AASDH: variants seen among roughly 807,000 people sequenced by gnomAD.
AASDH encodes aminoadipate-semialdehyde dehydrogenase.
A neutral mutation model predicts 102.3 loss-of-function variants in AASDH; 81 were observed. The observed-to-expected ratio is 0.79, with a 90% CI of 0.66 to 0.95. AASDH has a LOEUF of 0.95. Among genes scored for constraint, AASDH ranks in the 40% least tolerant of loss-of-function variants. AASDH has a pLI of 0.00. For synonymous variants in AASDH, 398 were observed against 454.0 expected, an observed-to-expected ratio of 0.88 and a Z score of 1.57; for missense variants, 1,203 against 1,266.2, an observed-to-expected ratio of 0.95 and a Z score of 0.76.
At chr4:56,377,741 T>G (rs973305800) in intron 4 of AASDH, among the ~76,000 whole-genome samples, 1 of 152,244 alleles carries the variant, frequency 6.6e-6, no homozygotes, top group Non-Finnish European at 1.5e-5. Context: ...ACTATTAATT[T>G]AGGAACAAGA....
intron 3 of AASDH, chr4:56,382,240 A>C (rs893142063): frequency 1.7e-5 from 6 of 362,160 alleles, no homozygotes; most frequent in Non-Finnish European, 3.0e-5. Flanking sequence ...TTTGGTTGTT[A>C]TGACTGGGAG....
intron 5 of AASDH, among the ~76,000 whole-genome samples, chr4:56,360,461 G>A (rs1229924940): frequency 6.6e-6 from 1 of 152,224 alleles, no homozygotes; most frequent in Admixed American, 6.5e-5. Context: ...CAGAATCTGT[G>A]TGTTGACTGA....
chr4:56,362,457 G>T (rs1292192768), intron 5 of AASDH, among the ~76,000 whole-genome samples: 3 of 152,048 alleles, frequency 2.0e-5, no homozygotes, highest in African/African-American at 7.2e-5. Context: ...TAGAGACGGG[G>T]TTTTGCCATG....
At chr4:56,339,748 C>CA (rs3036859) in intron 14 of AASDH, among the ~76,000 whole-genome samples, 3,272 of 127,912 alleles carry the variant, frequency 0.026, 115 homozygotes, top group Admixed American at 0.078. Context: ...GACCTTGTTT[C>CA]AAAAAAAAAA....
At chr4:56,369,532 A>C (rs1751445552) in intron 5 of AASDH, among the ~76,000 whole-genome samples, 1 of 152,216 alleles carries the variant, frequency 6.6e-6, no homozygotes, top group South Asian at 2.1e-4. Flanking sequence ...CATTGCCTTA[A>C]AGAAGTTCAA....
In AASDH at chr4:56,384,335, C is replaced by G; in HGVS notation, c.-36G>C. On this transcript the variant is annotated 5_prime_UTR_variant, in exon 2 of 15. Coordinates refer to ENST00000205214, the MANE Select transcript of AASDH (RefSeq NM_181806.4). The stretch of plus-strand genomic sequence containing the variant: ...TTTATCTAAACATCAATTTGTAGCA[C>G]AGAACCCTGTGTATATACAGAAGTG... 6.3e-7 allele frequency: 1 copy of G among 1,591,472 alleles called. No individual in the cohort carries two copies. The highest frequency in any genetic ancestry group is 8.6e-7 in the Non-Finnish European group (1 of 1,160,502).
chr4:56,374,764 TTC>T (rs1273093606), intron 4 of AASDH, among the ~76,000 whole-genome samples: 7 of 152,178 alleles, frequency 4.6e-5, no homozygotes, highest in Admixed American at 1.3e-4. Flanking sequence ...GTCAGTTTAA[TTC>T]TCAGTCCCCT....
chr4:56,361,610 GA>G (rs948905189), intron 5 of AASDH, among the ~76,000 whole-genome samples: 2 of 151,948 alleles, frequency 1.3e-5, no homozygotes, highest in African/African-American at 4.8e-5. Context: ...AAAAACTCAG[GA>G]AAAATGGAAA....
At chr4:56,359,123 T>TG (rs1326440996) in intron 5 of AASDH, among the ~76,000 whole-genome samples, 1 of 151,860 alleles carries the variant, frequency 6.6e-6, no homozygotes, top group Non-Finnish European at 1.5e-5. Context: ...TTTTTTTTTT[T>TG]GCTAGTGCAT....
intron 12 of AASDH, among the ~76,000 whole-genome samples, chr4:56,344,552 C>CT (rs1002564408): frequency 1.3e-5 from 2 of 152,096 alleles, no homozygotes; most frequent in East Asian, 1.9e-4. Flanking sequence ...TGAATTTCCA[C>CT]TTTTTTTACA....
rs767808606 is a variant in AASDH, at chr4:56,338,700, A to G, written c.2999T>C (p.Phe1000Ser). The G allele has an allele frequency of 6.2e-7, 1 of 1,614,182 alleles. No homozygotes were observed. Among genetic ancestry groups the G allele is most frequent in the South Asian group, 1.1e-5 (1 of 91,072 alleles). ...QKIFFGSHDC[F>S]IYCCNMKGHL... ...ACCTTTCATGTTACAACAGTAGATA[A>G]AGCAATCATGGGAACCAAAAAATAT... Residue 1000 changes from phenylalanine to serine, a missense_variant, in exon 15 of 15, where the codon TTT becomes TCT. Phe to Ser is a radical substitution (Grantham distance 155). Transcript: ENST00000205214.
At chr4:56,366,932 T>C (rs1260397234) in intron 5 of AASDH, among the ~76,000 whole-genome samples, 17 of 151,996 alleles carry the variant, frequency 1.1e-4, no homozygotes, top group Admixed American at 9.2e-4. Context: ...AGTCAAATTG[T>C]CCCTGTTTGC....
intron 5 of AASDH, among the ~76,000 whole-genome samples, 179 bp from the exon 6 acceptor site, chr4:56,355,602 T>G (rs1199340143): frequency 6.7e-6 from 1 of 150,042 alleles, no homozygotes; most frequent in Non-Finnish European, 1.5e-5. Flanking sequence ...TGTTTTTTTT[T>G]TTTTTTTTTT....
intron 5 of AASDH, among the ~76,000 whole-genome samples, chr4:56,359,254 G>T (rs549464218): frequency 6.6e-6 from 1 of 151,320 alleles, no homozygotes; most frequent in African/African-American, 2.4e-5. Context: ...TTTATTTTTT[G>T]TGAGACAGAG....
At chr4:56,366,420 AAG>A (rs1310668975) in intron 5 of AASDH, among the ~76,000 whole-genome samples, 30 of 152,110 alleles carry the variant, frequency 2.0e-4, no homozygotes, top group Admixed American at 6.5e-4. Context: ...ACAACCAAAA[AAG>A]AGAATTTTAG....
At chr4:56,386,482 A>C (rs1445922499) in intron 1 of AASDH, among the ~76,000 whole-genome samples, 1 of 152,206 alleles carries the variant, frequency 6.6e-6, no homozygotes, top group Admixed American at 6.5e-5. Flanking sequence ...ATTAATGCCC[A>C]AATGTTTGAG....
In AASDH at chr4:56,382,505, T is replaced by C. The variant is rs774307223; in HGVS notation, c.323A>G (p.Tyr108Cys). Reference protein sequence around the residue: ...THFMKKCNLKYILVEKKQINK... With the variant: ...THFMKKCNLKCILVEKKQINK... ...AATTTGTTTTTTTTCAACAAGGATA[T>C]ACTTTAGATTACATTTTTTCATAAA... The change falls in exon 3 of 15, where the codon TAT becomes TGT. Residue 108 changes from tyrosine to cysteine, a missense_variant. By Grantham distance (194) the Tyr-to-Cys change is radical. Coordinates refer to ENST00000205214, the MANE Select transcript of AASDH (RefSeq NM_181806.4). 2.5e-6 allele frequency: 4 copies of C among 1,592,366 alleles called. No individual in the cohort carries two copies. The highest frequency in any genetic ancestry group is 3.4e-6 in the Non-Finnish European group (4 of 1,162,120).
At position 56,364,824 on chromosome 4, in the gene AASDH, A is replaced by C. The variant is rs567783751; in HGVS notation, c.861+6627T>G. Among the ~76,000 whole-genome samples the C allele has an allele frequency of 2.6e-5, 4 of 152,360 alleles. No individual in the cohort carries two copies. The South Asian group carries it at 8.3e-4, about 32-fold the overall frequency. On this transcript the variant is annotated intron_variant, in intron 5 of 14. Transcript: ENST00000205214. Reference sequence around the variant, plus strand: ...AACTGCATCAACTAATGAGCAAAATAACCAGCTAACATCATAATGACAGGA... The same window carrying C: ...AACTGCATCAACTAATGAGCAAAATCACCAGCTAACATCATAATGACAGGA...
rs1751715983 is a variant in AASDH, at chr4:56,371,591, T to A, written c.721A>T (p.Thr241Ser). The A allele has an allele frequency of 6.2e-7, 1 of 1,612,248 alleles. No individual in the cohort carries two copies. The change falls in exon 5 of 15, where the codon ACC becomes TCC. Residue 241 changes from threonine (T) to serine (S), a missense_variant. Physicochemically the swap from Thr to Ser is moderately conservative, Grantham distance 58. Transcript: ENST00000205214. Reference sequence around the variant, plus strand: ...ATTTCCACAACAGAAGGATCGAAGGTCAGAGGTGAAGCCAGAAACAAAACA... The same window carrying A: ...ATTTCCACAACAGAAGGATCGAAGGACAGAGGTGAAGCCAGAAACAAAACA... ...EDVLFLASPLTFDPSVVEIFL... is the reference protein window; with the variant it reads ...EDVLFLASPLSFDPSVVEIFL...
Sources: allele counts gnomAD v4.1 joint callset (sites outside exome capture counted in the v4.1 genomes callset), GRCh38; gene constraint gnomAD v4.1.1; transcripts MANE v1.5; gene names NCBI Gene and HGNC (gene_info 2026-07-23, HGNC 2026-07-21).